Variants in TSHZ1 observed in about 807,000 individuals in gnomAD.
TSHZ1 encodes the protein teashirt homolog 1.
Under a neutral mutation model 67.1 loss-of-function variants are expected in TSHZ1, and 12 were observed. The observed-to-expected ratio is 0.18, with a 90% CI of 0.11 to 0.29. The LOEUF (loss-of-function observed/expected upper bound fraction) is 0.29, where lower values mean the gene tolerates loss of function less well. Among genes scored for constraint, TSHZ1 ranks in the 10% least tolerant of loss-of-function variants. TSHZ1 has a pLI of 1.00. For missense variants in TSHZ1, 1,305 were observed against 1,413.9 expected (o/e 0.92, Z 1.23); for synonymous variants, 632 against 622.4 (o/e 1.02, Z -0.23).
chr18:75,211,495 C>A lies in TSHZ1; in HGVS notation c.-382C>A, dbSNP rs1470526311. ...GGAGCGGCGCGCCGGGAGGAGCGCC[C>A]GCCCAGCAGCAGCGCGGCGGCGGGG... On this transcript the variant is annotated 5_prime_UTR_variant, in exon 1 of 2. Transcript: ENST00000580243. The A allele has an allele frequency of 6.8e-6, 1 of 146,832 alleles. No individual in the cohort carries two copies. The highest frequency in any genetic ancestry group is 2.5e-5 in the African/African-American group (1 of 40,342). 9.1% of individuals were successfully genotyped at this position (146,832 alleles called of 1,614,324 possible). A position where few individuals can be genotyped will look rare whatever the true frequency, so the allele number is the denominator to read the frequency against.
chr18:75,287,476 C>T lies in TSHZ1; in HGVS notation c.2069C>T (p.Pro690Leu), dbSNP rs566747365. The T allele has an allele frequency of 6.8e-6, 11 of 1,614,196 alleles. No individual in the cohort carries two copies. The highest frequency in any genetic ancestry group is 5.5e-5 in the South Asian group (5 of 91,086). Residue 690 changes from proline to leucine, a missense_variant, in exon 2 of 2, where the codon CCA (proline) becomes CTA (leucine). Around this residue, in one of 3 missense-constraint regions of TSHZ1, gnomAD observed 909 missense variants for 961.8 expected, o/e 0.95. Coordinates refer to ENST00000580243, the MANE Select transcript of TSHZ1 (RefSeq NM_001308210.2). The surrounding 1 kb of genome is among the most constrained non-coding windows in gnomAD (Gnocchi z 5.0). ...AAAACGGAGGAAGTCAGCGGCAAAC[C>T]ACAGAAGAAGGGCCCTGAGGCCGAG... ...FPKTEEVSGK[P>L]QKKGPEAETG...
chr18:75,214,773 CTT>C (rs2022745048), intron 1 of TSHZ1, among the ~76,000 whole-genome samples: 1 of 152,108 alleles, frequency 6.6e-6, no homozygotes, highest in Non-Finnish European at 1.5e-5. Context: ...GAAGCGGCTT[CTT>C]AATTATCAAA....
chr18:75,224,876 A>G (rs1198607345), intron 1 of TSHZ1, among the ~76,000 whole-genome samples: 1 of 152,084 alleles, frequency 6.6e-6, no homozygotes, highest in Non-Finnish European at 1.5e-5. Flanking sequence ...AAGGGCTTAT[A>G]TTATTAGAGA....
Position 75,287,468 on chromosome 18 carries a change from C to T in TSHZ1, c.2061C>T (p.Ser687=), listed in dbSNP as rs926373724. The T allele has an allele frequency of 1.8e-5, 29 of 1,614,052 alleles. No individual in the cohort carries two copies. Among genetic ancestry groups the T allele is most frequent in the Admixed American group, 5.0e-5 (3 of 60,004 alleles). The change falls in exon 2 of 2, where the codon AGC becomes AGT. Residue 687 remains serine (S), a synonymous_variant. Coordinates refer to ENST00000580243, the MANE Select transcript of TSHZ1 (RefSeq NM_001308210.2). The surrounding 1 kb of genome is among the most constrained non-coding windows in gnomAD (Gnocchi z 5.0). ...ATTTCCCGAAAACGGAGGAAGTCAG[C>T]GGCAAACCACAGAAGAAGGGCCCTG... ...NKDFPKTEEV[S]GKPQKKGPEA... is the part of the protein sequence containing the mutation.
chr18:75,238,706 C>T (rs1032021881), intron 1 of TSHZ1, among the ~76,000 whole-genome samples: 1 of 151,504 alleles, frequency 6.6e-6, no homozygotes, highest in African/African-American at 2.4e-5. Flanking sequence ...ATCATGAATG[C>T]AAAATCATGA....
rs1451586870 is a variant in TSHZ1 at position 75,287,352 on chromosome 18, A to G, written c.1945A>G (p.Lys649Glu). The change falls in exon 2 of 2, where the codon AAG (lysine) becomes GAG (glutamate). Residue 649 changes from lysine to glutamate, a missense_variant. By Grantham distance (56) the Lys-to-Glu change is moderately conservative. Coordinates refer to ENST00000580243, the MANE Select transcript of TSHZ1 (RefSeq NM_001308210.2). This position sits in a 1 kb window ranked among gnomAD's most constrained non-coding sequence, Gnocchi z 5.0. ...MEELVEKVTG[K>E]VNIKKEERPP... is the part of the protein sequence containing the mutation. Reference sequence around the variant, plus strand: ...GGAGCTGGTGGAGAAGGTCACGGGCAAGGTCAACATCAAGAAGGAGGAGAG... The same window carrying G: ...GGAGCTGGTGGAGAAGGTCACGGGCGAGGTCAACATCAAGAAGGAGGAGAG... 1 of 1,614,128 alleles carries G rather than the reference A, an allele frequency of 6.2e-7. No homozygotes were observed. The highest frequency in any genetic ancestry group is 2.2e-5 in the East Asian group (1 of 44,864).
At chr18:75,251,493 GT>G (rs3067027) in intron 1 of TSHZ1, among the ~76,000 whole-genome samples, 24,257 of 139,282 alleles carry the variant, frequency 0.17, 1,989 homozygotes, top group East Asian at 0.32. Context: ...TTTCTTTAGG[GT>G]TTTTTTTTTT....
At position 75,287,172 on chromosome 18, in the gene TSHZ1, G is replaced by T. The variant is rs200629224; in HGVS notation, c.1765G>T (p.Val589Leu). 255 of 1,613,628 alleles carry T rather than the reference G, an allele frequency of 1.6e-4. No individual in the cohort carries two copies. The highest frequency in any genetic ancestry group is 2.1e-4 in the Non-Finnish European group (248 of 1,179,880). The change falls in exon 2 of 2, where the codon GTG becomes TTG. Residue 589 changes from valine (V) to leucine (L), a missense_variant. By Grantham distance (32) the Val-to-Leu change is conservative. Coordinates refer to ENST00000580243, the MANE Select transcript of TSHZ1 (RefSeq NM_001308210.2). This position sits in a 1 kb window ranked among gnomAD's most constrained non-coding sequence, Gnocchi z 5.0. ...TGCAGCCTACCAGCTCCCGGGCACC[G>T]TGAAGCCACTGCCGGCGGCCGTGCA... is the stretch of plus-strand genomic sequence containing the variant. ...IHAAYQLPGTVKPLPAAVQSV... is the reference protein window; with the variant it reads ...IHAAYQLPGTLKPLPAAVQSV...
At chr18:75,246,001 CG>C (rs1217684258) in intron 1 of TSHZ1, among the ~76,000 whole-genome samples, 2 of 152,148 alleles carry the variant, frequency 1.3e-5, no homozygotes, top group African/African-American at 4.8e-5. Flanking sequence ...GCCAGGGGAG[CG>C]GGCTTCCCCT....
chr18:75,225,559 C>G (rs2022914324), intron 1 of TSHZ1, among the ~76,000 whole-genome samples: 1 of 152,176 alleles, frequency 6.6e-6, no homozygotes, highest in Admixed American at 6.5e-5. Context: ...CTTCTGAGAA[C>G]TAGGAATTAG....
intron 1 of TSHZ1, among the ~76,000 whole-genome samples, chr18:75,214,373 A>C (rs2022739512): frequency 6.6e-6 from 1 of 152,238 alleles, no homozygotes. Flanking sequence ...TAATCTCTGC[A>C]GAAGCCAGTC....
chr18:75,233,720 C>T (rs1007963025), intron 1 of TSHZ1, among the ~76,000 whole-genome samples: 3 of 152,002 alleles, frequency 2.0e-5, no homozygotes, highest in African/African-American at 7.2e-5. Flanking sequence ...TAGTGGCCTT[C>T]CTTTTTGAGG....
chr18:75,251,493 G>GTTTTT lies in TSHZ1; in HGVS notation c.41-33944_41-33940dup, dbSNP rs3067027. Among the ~76,000 whole-genome samples, 402 of 139,398 alleles carry GTTTTT rather than the reference G, an allele frequency of 2.9e-3. 2 individuals are homozygous for GTTTTT. Among genetic ancestry groups the GTTTTT allele is most frequent in the African/African-American group, 9.1e-3 (346 of 37,862 alleles). 91.5% of individuals were successfully genotyped at this position (139,398 alleles called of 152,430 possible). A position where few individuals can be genotyped will look rare whatever the true frequency, so the allele number is the denominator to read the frequency against. ...ACATTTTCATTATTCTTTCTTTAGG[G>GTTTTT]TTTTTTTTTTTTTTTGACATTGCTT... is the stretch of plus-strand genomic sequence containing the variant. On this transcript the variant is annotated intron_variant, in intron 1 of 1. Coordinates refer to ENST00000580243, the MANE Select transcript of TSHZ1 (RefSeq NM_001308210.2).
chr18:75,227,506 GAAA>G (rs953740125), intron 1 of TSHZ1, among the ~76,000 whole-genome samples: 1 of 150,346 alleles, frequency 6.7e-6, no homozygotes, highest in Non-Finnish European at 1.5e-5. Flanking sequence ...AAGTGCAAAG[GAAA>G]AAAAAAGTCA....
chr18:75,223,062 T>C (rs562994332), intron 1 of TSHZ1, among the ~76,000 whole-genome samples: 17 of 152,332 alleles, frequency 1.1e-4, no homozygotes, highest in Admixed American at 3.3e-4. Flanking sequence ...AGCACTGCGG[T>C]ACTTGATATC....
chr18:75,229,441 C>T (rs2022968646), intron 1 of TSHZ1, among the ~76,000 whole-genome samples: 1 of 152,250 alleles, frequency 6.6e-6, no homozygotes, highest in South Asian at 2.1e-4. Context: ...ATCGGAGCAC[C>T]TGTCTCTGTC....
Position 75,287,373 on chromosome 18 carries a change from G to C in TSHZ1, c.1966G>C (p.Glu656Gln), listed in dbSNP as rs1364632347. ...VTGKVNIKKE[E>Q]RPPEKEKSSL... ...GGGCAAGGTCAACATCAAGAAGGAGGAGAGACCCCCTGAGAAGGAGAAGAG... is the reference window on the plus strand; with the variant it reads ...GGGCAAGGTCAACATCAAGAAGGAGCAGAGACCCCCTGAGAAGGAGAAGAG... The change falls in exon 2 of 2, where the codon GAG becomes CAG. Residue 656 changes from glutamate (E) to glutamine (Q), a missense_variant. Glu to Gln is a conservative substitution (Grantham distance 29, BLOSUM62 2). Coordinates refer to ENST00000580243, the MANE Select transcript of TSHZ1 (RefSeq NM_001308210.2). This position sits in a 1 kb window ranked among gnomAD's most constrained non-coding sequence, Gnocchi z 5.0. The C allele has an allele frequency of 1.2e-6, 2 of 1,614,100 alleles. No homozygotes were observed. The highest frequency in any genetic ancestry group is 1.1e-5 in the South Asian group (1 of 91,066).
intron 1 of TSHZ1, among the ~76,000 whole-genome samples, chr18:75,271,541 A>C (rs949069638): frequency 6.6e-6 from 1 of 152,164 alleles, no homozygotes; most frequent in African/African-American, 2.4e-5. Context: ...TCAATAATGC[A>C]GCAGGATTTT....
chr18:75,239,118 G>T (rs2023121287), intron 1 of TSHZ1, among the ~76,000 whole-genome samples: 1 of 152,250 alleles, frequency 6.6e-6, no homozygotes. Context: ...GAGTGCCGTA[G>T]TTCTGCCATT....
Sources: gnomAD v4.1 joint callset for allele counts (sites outside exome capture counted in the v4.1 genomes callset) on GRCh38, gnomAD v4.1.1 for gene constraint, gnomAD v4.1.1 regional missense constraint, Gnocchi (gnomAD v3.1) non-coding constraint, MANE v1.5 for transcripts, NCBI Gene and HGNC (gene_info 2026-07-23, HGNC 2026-07-21) for gene names.